COX15: variants seen among roughly 807,000 people sequenced by gnomAD.
The protein encoded by COX15 is cytochrome c oxidase assembly factor COX15.
COX15 carries 51 observed loss-of-function variants against 51.9 expected under a neutral mutation model. The ratio of observed to expected loss-of-function variants is 0.98; its 90% CI spans 0.78 to 1.24. The LOEUF (loss-of-function observed/expected upper bound fraction) is 1.24, where lower values mean the gene tolerates loss of function less well. Among genes scored for constraint, COX15 ranks in the 50% most tolerant of loss-of-function variants. COX15 has a pLI of 0.00. For missense variants in COX15, 420 were observed against 501.1 expected (o/e 0.84, Z 1.55); for synonymous variants, 188 against 190.5 (o/e 0.99, Z 0.11).
intron 2 of COX15, among the ~76,000 whole-genome samples, chr10:99,728,106 A>G (rs1379527962): frequency 6.6e-6 from 1 of 152,244 alleles, no homozygotes; most frequent in South Asian, 2.1e-4. Context: ...ACCAAAAGGA[A>G]TTAGGATTCC....
At chr10:99,730,450 G>A (rs2037099464) in intron 1 of COX15, among the ~76,000 whole-genome samples, 1 of 152,076 alleles carries the variant, frequency 6.6e-6, no homozygotes, top group African/African-American at 2.4e-5. Flanking sequence ...TGGGCATGGT[G>A]GTGTATGCTT....
chr10:99,729,648 G>GGACAC lies in COX15; in HGVS notation c.172_176dup (p.Leu60CysfsTer32). On this transcript the variant is annotated frameshift_variant, in exon 2 of 9. Transcript: ENST00000016171. LOFTEE classifies it high-confidence loss of function. ...CCCGCTCAGCAGCCTTTGAGGGAAG[G>GGACAC]GACACTGTACCCCTTCCAGATTGCA... 1 of 1,614,002 alleles carries GGACAC rather than the reference G, an allele frequency of 6.2e-7. No homozygotes were observed. The highest frequency in any genetic ancestry group is 8.5e-7 in the Non-Finnish European group (1 of 1,180,006).
At chr10:99,726,860 C>G in intron 4 of COX15, 108 bp downstream of exon 4, 1 of 1,167,688 alleles carries the variant, frequency 8.6e-7, no homozygotes, top group South Asian at 1.3e-5. Flanking sequence ...TGCACTCCAG[C>G]CTGGGCGACA....
chr10:99,709,304 A>G, downstream of COX15: 1 of 985,334 alleles, frequency 1.0e-6, no homozygotes, highest in Non-Finnish European at 1.2e-6. Flanking sequence ...CTAGTATCTA[A>G]TTGTCCTTTT....
At chr10:99,709,891 A>G, downstream of COX15, 1 of 985,472 alleles carries the variant, frequency 1.0e-6, no homozygotes, top group Middle Eastern at 5.2e-4. Flanking sequence ...TTTCTCTGAA[A>G]ATCTGAGCAA....
the COX15 span, among the ~76,000 whole-genome samples, chr10:99,701,883 A>G: frequency 6.6e-6 from 1 of 151,860 alleles, no homozygotes; most frequent in Non-Finnish European, 1.5e-5. Flanking sequence ...CCCTGTCTCC[A>G]CTAAAAATAC....
At chr10:99,728,330 G>A (rs1030702651) in intron 2 of COX15, among the ~76,000 whole-genome samples, 16 of 152,178 alleles carry the variant, frequency 1.1e-4, no homozygotes, top group East Asian at 1.9e-4. Flanking sequence ...AAACATTATC[G>A]AGTGTGTTTG....
rs1254869898 is a variant in COX15 at position 99,712,100 on chromosome 10, CATA to C, written c.*2484_*2486del. 2 of 413,278 alleles carry C rather than the reference CATA, an allele frequency of 4.8e-6. No individual in the cohort carries two copies. Among genetic ancestry groups the C allele is most frequent in the Admixed American group, 1.3e-4 (2 of 15,534 alleles). 25.6% of individuals were successfully genotyped at this position (413,278 alleles called of 1,614,324 possible). ...CATTACTATGGGGATGGCACAAAGTCATACATAAGGGATCCGCCCCCATGACCC... is the reference window on the plus strand; with the variant it reads ...CATTACTATGGGGATGGCACAAAGTCCATAAGGGATCCGCCCCCATGACCC... On this transcript the variant is annotated 3_prime_UTR_variant, in exon 9 of 9. Coordinates refer to ENST00000016171, the MANE Select transcript of COX15 (RefSeq NM_078470.6).
In COX15 at chr10:99,711,118, T is replaced by C; in HGVS notation, c.*3469A>G. The C allele has an allele frequency of 2.0e-6, 2 of 984,868 alleles. No homozygotes were observed. The highest frequency in any genetic ancestry group is 2.4e-6 in the Non-Finnish European group (2 of 829,628). 61.0% of individuals were successfully genotyped at this position (984,868 alleles called of 1,614,324 possible). A position where few individuals can be genotyped will look rare whatever the true frequency, so the allele number is the denominator to read the frequency against. ...CATAAATACAAAAAAAACCCTAAGATAATCATTCACCAGAAGCTCATAGAT... is the reference window on the plus strand; with the variant it reads ...CATAAATACAAAAAAAACCCTAAGACAATCATTCACCAGAAGCTCATAGAT... On this transcript the variant is annotated 3_prime_UTR_variant, in exon 9 of 9. Coordinates refer to ENST00000016171, the MANE Select transcript of COX15 (RefSeq NM_078470.6).
intron 4 of COX15, among the ~76,000 whole-genome samples, chr10:99,724,684 G>A (rs1036335025): frequency 3.3e-5 from 5 of 151,546 alleles, no homozygotes; most frequent in Admixed American, 2.6e-4. Flanking sequence ...TGGAAGAATT[G>A]TCTTGGGCCA....
In COX15 at chr10:99,713,121, A is replaced by G; in HGVS notation, c.*1466T>C. 3 of 1,278,484 alleles carry G rather than the reference A, an allele frequency of 2.3e-6. No homozygotes were observed. The highest frequency in any genetic ancestry group is 3.0e-6 in the Non-Finnish European group (3 of 1,003,404). The allele number at this position is 1,278,484 out of a possible 1,614,324, so 79.2% of individuals were successfully genotyped here. On this transcript the variant is annotated 3_prime_UTR_variant, in exon 9 of 9. Transcript: ENST00000016171. ...GGGGTATTTTGACTATGGCTGTGAC[A>G]CTTCTACTGATAAAACCTGAAGTAC...
At chr10:99,701,426 T>C in the COX15 span, among the ~76,000 whole-genome samples, 1 of 151,870 alleles carries the variant, frequency 6.6e-6, no homozygotes, top group Non-Finnish European at 1.5e-5. Context: ...TAGCTGGGAC[T>C]ATAGGCACGT....
the COX15 span, among the ~76,000 whole-genome samples, chr10:99,695,247 G>A: frequency 1.6e-4 from 25 of 152,216 alleles, no homozygotes; most frequent in Middle Eastern, 0.02. Context: ...CCACAGAACC[G>A]GGCACAGTGG....
chr10:99,699,808 TG>T, the COX15 span, among the ~76,000 whole-genome samples: 1 of 152,106 alleles, frequency 6.6e-6, no homozygotes, highest in Non-Finnish European at 1.5e-5. Flanking sequence ...TCAGGTGATC[TG>T]CCCGCCTTGG....
intron 2 of COX15, among the ~76,000 whole-genome samples, chr10:99,727,976 C>G (rs187238208): frequency 1.3e-5 from 2 of 152,108 alleles, no homozygotes; most frequent in African/African-American, 2.4e-5. Flanking sequence ...CAATAAAATT[C>G]AAATTTGTTT....
At chr10:99,704,236 G>A in the COX15 span, among the ~76,000 whole-genome samples, 1 of 152,162 alleles carries the variant, frequency 6.6e-6, no homozygotes, top group Non-Finnish European at 1.5e-5. Flanking sequence ...GTGTAAGCCT[G>A]GAGGTCCCTT....
At chr10:99,709,590 T>G, downstream of COX15, 1 of 985,246 alleles carries the variant, frequency 1.0e-6, no homozygotes, top group South Asian at 4.7e-5. Context: ...TACCTCAAAT[T>G]GAAAACTTTT....
At position 99,711,378 on chromosome 10, in the gene COX15, G is replaced by A; in HGVS notation, c.*3209C>T. ...CTGGGTTTGAGGATCAGGAGAGGAT[G>A]GTGTGGGAACCTGCCTCAGGAACTA... On this transcript the variant is annotated 3_prime_UTR_variant, in exon 9 of 9. Transcript: ENST00000016171. 1.0e-6 allele frequency: 1 copy of A among 985,372 alleles called. No homozygotes were observed. The highest frequency in any genetic ancestry group is 1.2e-6 in the Non-Finnish European group (1 of 829,912). 61.0% of individuals were successfully genotyped at this position (985,372 alleles called of 1,614,324 possible).
At chr10:99,709,107 A>T (rs2036309258), downstream of COX15, 1 of 982,112 alleles carries the variant, frequency 1.0e-6, no homozygotes, top group Non-Finnish European at 1.2e-6. Flanking sequence ...AATTTTATAC[A>T]ATTTCCTTTA....
Sources: gnomAD v4.1 joint callset for allele counts (sites outside exome capture counted in the v4.1 genomes callset) on GRCh38, gnomAD v4.1.1 for gene constraint, MANE v1.5 for transcripts, NCBI Gene and HGNC (gene_info 2026-07-23, HGNC 2026-07-21) for gene names.